The following AUTS2 variants were observed in gnomAD, a reference collection of about 807,000 sequenced individuals.
AUTS2 encodes activator of transcription and developmental regulator AUTS2, also known as autism susceptibility gene 2 protein.
A neutral mutation model predicts 112.4 loss-of-function variants in AUTS2; 17 were observed. That is an observed-to-expected ratio of 0.15 (90% confidence interval 0.10 to 0.23). AUTS2 has a LOEUF of 0.23. Among genes scored for constraint, AUTS2 ranks in the 10% least tolerant of loss-of-function variants. AUTS2 has a pLI of 1.00. For synonymous variants in AUTS2, 751 were observed against 702.7 expected (o/e 1.07, Z -1.09); for missense variants, 1,510 against 1,701.6 (o/e 0.89, Z 1.98).
At chr7:70,565,362 T>C (rs1801664438) in intron 5 of AUTS2, among the ~76,000 whole-genome samples, 2 of 152,056 alleles carry the variant, frequency 1.3e-5, no homozygotes, top group Non-Finnish European at 2.9e-5. Context: ...TTTATGGAAA[T>C]TGTTCATTTA....
At chr7:70,184,419 T>G (rs781177583) in intron 4 of AUTS2, among the ~76,000 whole-genome samples, 16 of 152,318 alleles carry the variant, frequency 1.1e-4, no homozygotes, top group Non-Finnish European at 1.5e-4. Context: ...GTGCCACATC[T>G]TTTGCCTTCT....
At chr7:70,291,011 A>G (rs1198542764) in intron 4 of AUTS2, 1 of 152,334 alleles carries the variant, frequency 6.6e-6, no homozygotes, top group East Asian at 1.9e-4. Context: ...CCACATATGT[A>G]TCTTATAGTC....
intron 2 of AUTS2, among the ~76,000 whole-genome samples, chr7:70,019,887 T>C (rs1800197151): frequency 6.6e-6 from 1 of 152,226 alleles, no homozygotes; most frequent in Non-Finnish European, 1.5e-5. Context: ...TTTATTCCAT[T>C]GGGTCTGTTA....
intron 2 of AUTS2, among the ~76,000 whole-genome samples, chr7:69,903,266 A>G (rs1795036756): frequency 6.6e-6 from 1 of 152,194 alleles, no homozygotes; most frequent in Non-Finnish European, 1.5e-5. Context: ...CGCTAAACCG[A>G]TAAGCCAAAT....
intron 1 of AUTS2, among the ~76,000 whole-genome samples, chr7:69,803,491 A>G (rs998457051): frequency 2.7e-5 from 4 of 150,938 alleles, no homozygotes; most frequent in Non-Finnish European, 5.9e-5. Context: ...GTAAACACCA[A>G]ATAAAAGTCC....
rs1280009662 is a variant in AUTS2 at position 69,617,014 on chromosome 7, T to C, written c.309+17052T>C. On this transcript the variant is annotated intron_variant, in intron 1 of 18. Transcript: ENST00000342771. ...AAATTAGAAAAAATAGATATCTATT[T>C]TAATGGAGTTTATATTCTAACAAAG... 2.0e-5 allele frequency among the ~76,000 whole-genome samples: 3 copies of C among 152,282 alleles called. No homozygotes were observed. The South Asian group carries it at 6.2e-4, about 32-fold the overall frequency.
chr7:70,219,817 G>T (rs567230682), intron 4 of AUTS2, among the ~76,000 whole-genome samples: 1 of 151,990 alleles, frequency 6.6e-6, no homozygotes, highest in Admixed American at 6.6e-5. Context: ...TGATCCACCC[G>T]CCTCGGCCTC....
chr7:70,409,446 GACATT>G (rs879677154), intron 4 of AUTS2, among the ~76,000 whole-genome samples: 3 of 152,138 alleles, frequency 2.0e-5, no homozygotes, highest in Admixed American at 1.3e-4. Flanking sequence ...CCAGTTTGTG[GACATT>G]GTATATACAG....
intron 5 of AUTS2, among the ~76,000 whole-genome samples, chr7:70,671,904 A>C (rs1248221918): frequency 6.6e-6 from 1 of 152,210 alleles, no homozygotes; most frequent in African/African-American, 2.4e-5. Context: ...GGAAGAAGAC[A>C]ATCAGGATAC....
At chr7:70,424,795 C>T (rs529163892) in intron 4 of AUTS2, among the ~76,000 whole-genome samples, 1 of 152,268 alleles carries the variant, frequency 6.6e-6, no homozygotes, top group South Asian at 2.1e-4. Flanking sequence ...CTATGTTGCC[C>T]AGGCTGGTCT....
chr7:70,729,383 C>T (rs149604760), intron 6 of AUTS2, among the ~76,000 whole-genome samples: 1 of 152,342 alleles, frequency 6.6e-6, no homozygotes, highest in East Asian at 1.9e-4. Flanking sequence ...GGGTCTCCTC[C>T]TTCCCACACT....
At chr7:70,354,923 C>T (rs1412900120) in intron 4 of AUTS2, among the ~76,000 whole-genome samples, 2 of 151,680 alleles carry the variant, frequency 1.3e-5, no homozygotes, top group African/African-American at 4.8e-5. Context: ...ATTTCCTGTA[C>T]TGCTTGCCTT....
chr7:70,537,829 C>G (rs756484905), intron 5 of AUTS2, among the ~76,000 whole-genome samples: 3 of 152,088 alleles, frequency 2.0e-5, no homozygotes, highest in East Asian at 3.9e-4. Context: ...GTAAGAAGGA[C>G]GTAAAAATTT....
chr7:69,868,869 T>C lies in AUTS2; in HGVS notation c.310-30417T>C, dbSNP rs1335324391. ...ATTTGGGAATTAGGCAGTTTAGGAGTAATTGTACCAGTGTTCCCCTCTGCT... is the reference window on the plus strand; with the variant it reads ...ATTTGGGAATTAGGCAGTTTAGGAGCAATTGTACCAGTGTTCCCCTCTGCT... On this transcript the variant is annotated intron_variant, in intron 1 of 18. Transcript: ENST00000342771. Among the ~76,000 whole-genome samples, 5 of 152,164 alleles carry C rather than the reference T, an allele frequency of 3.3e-5. No homozygotes were observed. The East Asian group carries it at 9.6e-4, about 29-fold the overall frequency.
intron 4 of AUTS2, among the ~76,000 whole-genome samples, chr7:70,181,464 C>G (rs547184667): frequency 3.3e-5 from 5 of 151,922 alleles, no homozygotes; most frequent in Non-Finnish European, 5.9e-5. Context: ...TCATATTTCA[C>G]AGTTCTGCTA....
intron 5 of AUTS2, among the ~76,000 whole-genome samples, chr7:70,473,200 C>T (rs76371440): frequency 0.058 from 8,876 of 152,252 alleles, 348 homozygotes; most frequent in Middle Eastern, 0.14. Context: ...AATATTTGAA[C>T]GTCTTTAAAA....
At chr7:70,248,158 T>C (rs116282891) in intron 4 of AUTS2, among the ~76,000 whole-genome samples, 3,129 of 152,258 alleles carry the variant, frequency 0.021, 123 homozygotes, top group African/African-American at 0.071. Context: ...AGTTCATGAG[T>C]CCAGTTGTCT....
intron 3 of AUTS2, among the ~76,000 whole-genome samples, chr7:70,121,200 A>G (rs1427350964): frequency 3.3e-5 from 5 of 152,210 alleles, no homozygotes; most frequent in Non-Finnish European, 7.4e-5. Context: ...AATAAACTCA[A>G]AATGAATCAA....
rs150070876 is a variant in AUTS2 at position 70,599,555 on chromosome 7, G to A, written c.691-99014G>A. Among the ~76,000 whole-genome samples, 1,073 of 152,302 alleles carry A rather than the reference G, an allele frequency of 7.0e-3. 5 individuals carry two copies. The highest frequency in any genetic ancestry group is 0.017 in the Middle Eastern group (5 of 294). On this transcript the variant is annotated intron_variant, in intron 5 of 18. Transcript: ENST00000342771. The stretch of plus-strand genomic sequence containing the variant: ...CTGGATTTATAGAATCAGAATCTGC[G>A]ACAGGTTCCCCAGATTTCTCATATG...
Sources: allele counts gnomAD v4.1 joint callset (sites outside exome capture counted in the v4.1 genomes callset), GRCh38; gene constraint gnomAD v4.1.1; transcripts MANE v1.5; gene names NCBI Gene and HGNC (gene_info 2026-07-23, HGNC 2026-07-21).